The following LINGO2 variants were observed in gnomAD, a reference collection of about 807,000 sequenced individuals.
The protein encoded by LINGO2 is leucine rich repeat and Ig domain containing 2.
LINGO2 carries 14 observed loss-of-function variants against 30.6 expected under a neutral mutation model. That is an observed-to-expected ratio of 0.46 (90% CI 0.30 to 0.72). The LOEUF (loss-of-function observed/expected upper bound fraction) is 0.72. Ranked by LOEUF, LINGO2 falls within the 30% of genes least tolerant of loss-of-function variation. LINGO2 has a pLI of 0.07. For synonymous variants in LINGO2, 317 were observed against 288.5 expected (o/e 1.10, Z -1.00); for missense variants, 729 against 751.7 (o/e 0.97, Z 0.35).
chr9:28,562,434 A>C (rs1258101776), intron 1 of LINGO2, among the ~76,000 whole-genome samples: 2 of 146,188 alleles, frequency 1.4e-5, no homozygotes, highest in Non-Finnish European at 3.0e-5. Context: ...TTCAACAGGA[A>C]ATAAGCAATG....
At chr9:28,278,832 T>C (rs899842571) in intron 4 of LINGO2, among the ~76,000 whole-genome samples, 89 of 152,318 alleles carry the variant, frequency 5.8e-4, no homozygotes, top group African/African-American at 2.1e-3. Flanking sequence ...ATATATTTTG[T>C]AAGGCTATAG....
At chr9:28,826,117 G>A in the LINGO2 span, among the ~76,000 whole-genome samples, 8 of 152,134 alleles carry the variant, frequency 5.3e-5, no homozygotes, top group African/African-American at 1.9e-4. Context: ...GTATTGAACT[G>A]TAAGAACGAC....
At chr9:28,811,960 C>A in the LINGO2 span, among the ~76,000 whole-genome samples, 1 of 152,198 alleles carries the variant, frequency 6.6e-6, no homozygotes, top group East Asian at 1.9e-4. Flanking sequence ...AATATGTATT[C>A]ATTGAATAAG....
the LINGO2 span, among the ~76,000 whole-genome samples, chr9:28,999,781 CT>C: frequency 6.6e-6 from 1 of 151,780 alleles, no homozygotes; most frequent in Non-Finnish European, 1.5e-5. Context: ...TTCATGCAAC[CT>C]TTAGAAAAAG....
chr9:28,538,354 T>C (rs1176288281), intron 1 of LINGO2, among the ~76,000 whole-genome samples: 2 of 152,110 alleles, frequency 1.3e-5, no homozygotes, highest in Non-Finnish European at 2.9e-5. Context: ...ATGAGACTGG[T>C]GATTGAATTT....
chr9:28,522,205 T>A (rs892908603), intron 1 of LINGO2, among the ~76,000 whole-genome samples: 5 of 151,996 alleles, frequency 3.3e-5, no homozygotes, highest in African/African-American at 9.7e-5. Flanking sequence ...CAACAGCAAA[T>A]ACTGAATTTT....
At chr9:28,250,129 T>A (rs1822145002) in intron 4 of LINGO2, among the ~76,000 whole-genome samples, 1 of 152,110 alleles carries the variant, frequency 6.6e-6, no homozygotes, top group Admixed American at 6.6e-5. Context: ...GTCTTAACAA[T>A]GAGTGGTTAA....
chr9:28,400,883 A>G (rs2134742958), intron 2 of LINGO2, among the ~76,000 whole-genome samples: 1 of 152,342 alleles, frequency 6.6e-6, no homozygotes, highest in East Asian at 1.9e-4. Context: ...ACAGAACTGC[A>G]AATAATTGGA....
chr9:28,786,682 T>G, the LINGO2 span, among the ~76,000 whole-genome samples: 2 of 152,176 alleles, frequency 1.3e-5, no homozygotes, highest in African/African-American at 4.8e-5. Flanking sequence ...AATTAACTAC[T>G]GTCTGTCCTC....
chr9:28,136,243 A>G (rs1396646812), intron 4 of LINGO2, among the ~76,000 whole-genome samples: 1 of 152,348 alleles, frequency 6.6e-6, no homozygotes, highest in East Asian at 1.9e-4. Context: ...CGATACTACT[A>G]GTTGATAATC....
chr9:27,940,449 ATAG>A, the LINGO2 span: 1 of 152,158 alleles, frequency 6.6e-6, no homozygotes, highest in South Asian at 2.1e-4. Flanking sequence ...AGTGGCAGAA[ATAG>A]TAGGTAAATT....
chr9:28,683,338 A>T, the LINGO2 span, among the ~76,000 whole-genome samples: 60 of 152,106 alleles, frequency 3.9e-4, 1 homozygote, highest in Middle Eastern at 3.4e-3. Flanking sequence ...TTTCCTGTGA[A>T]CTCCATACCA....
At chr9:28,412,322 T>G (rs1822803301) in intron 2 of LINGO2, among the ~76,000 whole-genome samples, 1 of 152,092 alleles carries the variant, frequency 6.6e-6, no homozygotes, top group Non-Finnish European at 1.5e-5. Context: ...TGCTTAATGA[T>G]TAATTGGCCA....
intron 1 of LINGO2, among the ~76,000 whole-genome samples, chr9:28,592,055 G>C (rs1474325153): frequency 1.3e-5 from 2 of 152,018 alleles, no homozygotes; most frequent in East Asian, 3.9e-4. Context: ...CCATAGTCAT[G>C]GTGTGACTTA....
At chr9:28,234,418 T>C (rs1821484064) in intron 4 of LINGO2, among the ~76,000 whole-genome samples, 1 of 152,138 alleles carries the variant, frequency 6.6e-6, no homozygotes, top group Admixed American at 6.5e-5. Context: ...CTTGATTGGA[T>C]TGAAGGATGC....
chr9:28,699,302 C>A, the LINGO2 span, among the ~76,000 whole-genome samples: 3 of 151,840 alleles, frequency 2.0e-5, no homozygotes, highest in Non-Finnish European at 2.9e-5. Context: ...TCAGGGACCC[C>A]GAATGAAGGG....
At chr9:28,213,524 T>C (rs1450463125) in intron 4 of LINGO2, among the ~76,000 whole-genome samples, 2 of 151,474 alleles carry the variant, frequency 1.3e-5, no homozygotes, top group African/African-American at 4.8e-5. Context: ...GATAGAATAG[T>C]GACTTATTAA....
the LINGO2 span, among the ~76,000 whole-genome samples, chr9:28,820,088 A>T: frequency 1.3e-5 from 2 of 152,154 alleles, no homozygotes; most frequent in Admixed American, 1.3e-4. Context: ...ACTCATTTTA[A>T]CCAGGATGTC....
intron 1 of LINGO2, among the ~76,000 whole-genome samples, chr9:28,655,079 C>G (rs956821887): frequency 1.3e-5 from 2 of 151,918 alleles, no homozygotes; most frequent in African/African-American, 4.8e-5. Flanking sequence ...TGGCTGTGTC[C>G]CTACCCAAAT....
Sources: gnomAD v4.1 joint callset for allele counts (sites outside exome capture counted in the v4.1 genomes callset) on GRCh38, gnomAD v4.1.1 for gene constraint, MANE v1.5 for transcripts, NCBI Gene and HGNC (gene_info 2026-07-23, HGNC 2026-07-21) for gene names.